Variants in TRPC4AP observed in about 807,000 individuals in gnomAD.
The protein encoded by TRPC4AP is transient receptor potential cation channel subfamily C member 4 associated protein.
A neutral mutation model predicts 99.0 loss-of-function variants in TRPC4AP; 45 were observed. That is an observed-to-expected ratio of 0.45 (90% CI 0.36 to 0.58). The LOEUF is 0.58. TRPC4AP is among the 20% of genes least tolerant of loss of function. The pLI is 0.00. For missense variants in TRPC4AP, 879 were observed against 985.3 expected, an observed-to-expected ratio of 0.89 and a Z score of 1.44; for synonymous variants, 408 against 385.8, an observed-to-expected ratio of 1.06 and a Z score of -0.67.
In TRPC4AP at chr20:35,003,446, G is replaced by A. The variant is rs370841577; in HGVS notation, c.2220C>T (p.Tyr740=). 3 of 1,614,064 alleles carry A rather than the reference G, an allele frequency of 1.9e-6. No individual in the cohort carries two copies. The African/African-American group carries it at 4.0e-5, about 22-fold the overall frequency. ...AGGTGCTGTCCTTGTCCTTGTGCAG[G>A]TAGTGCTGCTGCCAGAAGCGCAGCA... is the stretch of plus-strand genomic sequence containing the variant. ...HNLLRFWQQH[Y]LHKDKDSTCL... is the part of the protein sequence containing the mutation. The change falls in exon 18 of 19, where the codon TAC becomes TAT. Residue 740 remains tyrosine, a synonymous_variant. Transcript: ENST00000252015.
chr20:35,052,977 T>A (rs2083739800), intron 5 of TRPC4AP, among the ~76,000 whole-genome samples: 1 of 152,142 alleles, frequency 6.6e-6, no homozygotes, highest in African/African-American at 2.4e-5. Flanking sequence ...TACATTAACA[T>A]GGAATTCAGC....
chr20:35,072,223 C>T (rs902392914), intron 2 of TRPC4AP, among the ~76,000 whole-genome samples: 20 of 152,152 alleles, frequency 1.3e-4, no homozygotes, highest in Non-Finnish European at 2.5e-4. Context: ...TTCTCCCATT[C>T]CGTAGGTTGC....
rs71349785 is a variant in TRPC4AP, at chr20:35,086,547, G to A, written c.168+6067C>T. Among the ~76,000 whole-genome samples, 364 of 106,998 alleles carry A rather than the reference G, an allele frequency of 3.4e-3. 26 individuals are homozygous for A. The highest frequency in any genetic ancestry group is 0.018 in the Middle Eastern group (4 of 222). 70.2% of individuals were successfully genotyped at this position (106,998 alleles called of 152,430 possible). A position where few individuals can be genotyped will look rare whatever the true frequency, so the allele number is the denominator to read the frequency against. Reference sequence around the variant, plus strand: ...TATATGTGTGTGTGTGTGTGTGTGTGTGTGTGTGTGTGTGTGTGTGTGTGT... The same window carrying A: ...TATATGTGTGTGTGTGTGTGTGTGTATGTGTGTGTGTGTGTGTGTGTGTGT... On this transcript the variant is annotated intron_variant, in intron 1 of 18. Transcript: ENST00000252015.
chr20:35,083,680 T>C (rs1600666122), intron 1 of TRPC4AP, among the ~76,000 whole-genome samples: 1 of 150,298 alleles, frequency 6.7e-6, no homozygotes, highest in East Asian at 1.9e-4. Context: ...TAAATATATG[T>C]GTCAGAATAA....
rs375275064 is a variant in TRPC4AP, at chr20:35,081,331, A to G, written c.169-3157T>C. ...AGTTAAAGACCAGCCTAGGCAACAC[A>G]GTGAAACCCTGTCTCTACCAAAGGA... On this transcript the variant is annotated intron_variant, in intron 1 of 18. Transcript: ENST00000252015. Among the ~76,000 whole-genome samples, 341 of 151,662 alleles carry G rather than the reference A, an allele frequency of 2.2e-3. 1 individual carries two copies. Among genetic ancestry groups the G allele is most frequent in the African/African-American group, 7.6e-3 (316 of 41,342 alleles).
In TRPC4AP at chr20:35,047,841, C is replaced by T. The variant is rs375481022; in HGVS notation, c.657+2025G>A. 1.1e-4 allele frequency among the ~76,000 whole-genome samples: 16 copies of T among 152,244 alleles called. 1 individual carries two copies. Among genetic ancestry groups the T allele is most frequent in the Admixed American group, 3.3e-4 (5 of 15,290 alleles). ...GACTGAGCTTCCCCACAAGTGTGTC[C>T]AGGCACAGGTTATAGGTAACCCATG... is the stretch of plus-strand genomic sequence containing the variant. On this transcript the variant is annotated intron_variant, in intron 6 of 18. Coordinates refer to ENST00000252015, the MANE Select transcript of TRPC4AP (RefSeq NM_015638.3).
chr20:35,035,982 T>G (rs754984180), intron 7 of TRPC4AP, among the ~76,000 whole-genome samples: 2 of 152,226 alleles, frequency 1.3e-5, no homozygotes, highest in Non-Finnish European at 2.9e-5. Context: ...TTAAAATTAC[T>G]CATCTATAGT....
At chr20:35,008,838 C>A in intron 12 of TRPC4AP, 91 bp from the exon 13 acceptor site, 1 of 1,202,038 alleles carries the variant, frequency 8.3e-7, no homozygotes, top group Non-Finnish European at 1.2e-6. Flanking sequence ...CGGTGAAAAA[C>A]CATGGGGACA....
chr20:35,023,164 T>G (rs1198069239), intron 8 of TRPC4AP, among the ~76,000 whole-genome samples: 1 of 152,114 alleles, frequency 6.6e-6, no homozygotes, highest in Non-Finnish European at 1.5e-5. Context: ...TGTGACACGG[T>G]AGTTAAGAGC....
At chr20:35,088,053 C>T (rs1333086148) in intron 1 of TRPC4AP, among the ~76,000 whole-genome samples, 1 of 152,140 alleles carries the variant, frequency 6.6e-6, no homozygotes, top group African/African-American at 2.4e-5. Context: ...AAAGGAGAAA[C>T]ACGAATGGAA....
intron 9 of TRPC4AP, among the ~76,000 whole-genome samples, chr20:35,019,296 T>G (rs1375788532): frequency 2.0e-5 from 3 of 152,156 alleles, no homozygotes; most frequent in Non-Finnish European, 2.9e-5. Flanking sequence ...GGCCAGGATT[T>G]CAAGGTCATT....
intron 5 of TRPC4AP, 120 bp downstream of exon 5, chr20:35,054,856 C>A (rs1046644927): frequency 1.9e-5 from 16 of 839,646 alleles, no homozygotes; most frequent in Non-Finnish European, 2.8e-5. Flanking sequence ...AAAATAAGCC[C>A]GATTCCCCCA....
chr20:35,084,551 T>C (rs574169850), intron 1 of TRPC4AP, among the ~76,000 whole-genome samples: 2 of 139,276 alleles, frequency 1.4e-5, no homozygotes, highest in East Asian at 4.1e-4. Context: ...TATGTATATA[T>C]GTTTATATGC....
chr20:35,009,906 G>C (rs1439406380), intron 12 of TRPC4AP, among the ~76,000 whole-genome samples: 1 of 152,230 alleles, frequency 6.6e-6, no homozygotes, highest in Non-Finnish European at 1.5e-5. Flanking sequence ...CGGTGGGGCA[G>C]TGCGGAGCAC....
Position 35,044,348 on chromosome 20 carries a change from T to C in TRPC4AP, c.865+157A>G, listed in dbSNP as rs531305231. On this transcript the variant is annotated intron_variant, in intron 7 of 18. Transcript: ENST00000252015. ...TCAAGGCTGCAGTGAGCCACGATTG[T>C]GCCACTGCACTCCTGCCTGGGTGAC... Among the ~76,000 whole-genome samples, 5 of 145,476 alleles carry C rather than the reference T, an allele frequency of 3.4e-5. No individual in the cohort carries two copies. In the East Asian group the frequency reaches 1.0e-3, roughly 29 times the overall value.
intron 1 of TRPC4AP, among the ~76,000 whole-genome samples, chr20:35,084,728 G>GTACA (rs538608420): frequency 1.9e-5 from 2 of 107,534 alleles, no homozygotes; most frequent in African/African-American, 7.7e-5. Context: ...ATGCATATAT[G>GTACA]TGTATATGTA....
chr20:35,005,721 C>T lies in TRPC4AP; in HGVS notation c.1910G>A (p.Arg637Gln), dbSNP rs143166417. ...LVRCVTLSLD[R>Q]FENQVDMKVA... The stretch of plus-strand genomic sequence containing the variant: ...TTTCATATCCACCTGGTTTTCAAAT[C>T]GGTCCAGGGACAGAGTGACACAGCG... The change falls in exon 16 of 19, where the codon CGA (arginine) becomes CAA (glutamine). Residue 637 changes from arginine (R) to glutamine (Q), a missense_variant. Physicochemically the swap from Arg to Gln is conservative, Grantham distance 43. Around this residue, in one of 3 missense-constraint regions of TRPC4AP, gnomAD observed 224 missense variants for 264.7 expected, o/e 0.85. Transcript: ENST00000252015. 61 of 1,613,992 alleles carry T rather than the reference C, an allele frequency of 3.8e-5. No homozygotes were observed. Among genetic ancestry groups the T allele is most frequent in the East Asian group, 4.5e-5 (2 of 44,898 alleles).
At chr20:35,054,188 T>C (rs1262525238) in intron 5 of TRPC4AP, among the ~76,000 whole-genome samples, 2 of 9,330 alleles carry the variant, frequency 2.1e-4, no homozygotes, top group African/African-American at 7.0e-4. Flanking sequence ...TGGAGCTAAA[T>C]GTTTTTTTTT....
chr20:35,016,118 A>G lies in TRPC4AP; in HGVS notation c.1240T>C (p.Phe414Leu). 6.2e-7 allele frequency: 1 copy of G among 1,614,074 alleles called. No homozygotes were observed. Among genetic ancestry groups the G allele is most frequent in the Non-Finnish European group, 8.5e-7 (1 of 1,180,024 alleles). ...TTATTAAGTCCAGGGATCAGCTTGAACTCTGCAATCATTCTGTGAACCTGA... is the reference window on the plus strand; with the variant it reads ...TTATTAAGTCCAGGGATCAGCTTGAGCTCTGCAATCATTCTGTGAACCTGA... ...RNQVHRMIAE[F>L]KLIPGLNNLF... is the part of the protein sequence containing the mutation. Residue 414 changes from phenylalanine (F) to leucine (L), a missense_variant, in exon 10 of 19, where the codon TTC becomes CTC. By Grantham distance (22) the Phe-to-Leu change is conservative. Transcript: ENST00000252015.
Sources: allele counts gnomAD v4.1 joint callset (sites outside exome capture counted in the v4.1 genomes callset), GRCh38; gene constraint gnomAD v4.1.1; regional missense constraint gnomAD v4.1.1; transcripts MANE v1.5; gene names NCBI Gene and HGNC (gene_info 2026-07-23, HGNC 2026-07-21).